TENM4: variants seen among roughly 807,000 people sequenced by gnomAD.
TENM4 encodes teneurin-4.
Under a neutral mutation model 243.3 loss-of-function variants are expected in TENM4, and 82 were observed. The observed-to-expected ratio is 0.34, with a 90% CI of 0.28 to 0.40. The LOEUF (loss-of-function observed/expected upper bound fraction) is 0.40. Among genes scored for constraint, TENM4 ranks in the 10% least tolerant of loss-of-function variants. The pLI is 1.00. For missense variants in TENM4, 3,138 were observed against 3,673.3 expected, an observed-to-expected ratio of 0.85 and a Z score of 3.77; for synonymous variants, 1,412 against 1,456.3, an observed-to-expected ratio of 0.97 and a Z score of 0.69.
Position 78,899,570 on chromosome 11 carries a change from GGA to G in TENM4, c.749+3696_749+3697del, listed in dbSNP as rs1432911287. On this transcript the variant is annotated intron_variant, in intron 7 of 33. Transcript: ENST00000278550. ...TCTGTCTCAAAAAGCGGGGGGGGGG[GGA>G]AAAAGAAAAAAGAAAGAAAATTTGA... Among the ~76,000 whole-genome samples the G allele has an allele frequency of 2.6e-4, 31 of 121,004 alleles. 3 individuals are homozygous for G. Among genetic ancestry groups the G allele is most frequent in the African/African-American group, 8.8e-4 (30 of 33,960 alleles). The allele number at this position is 121,004 out of a possible 152,430, so 79.4% of individuals were successfully genotyped here.
intron 1 of TENM4, among the ~76,000 whole-genome samples, chr11:79,399,510 C>T (rs1858413143): frequency 6.6e-6 from 1 of 152,088 alleles, no homozygotes; most frequent in Non-Finnish European, 1.5e-5. Context: ...AGAGGAGACC[C>T]TAAAATTAGA....
At chr11:79,112,399 C>T (rs1006822632) in intron 4 of TENM4, among the ~76,000 whole-genome samples, 1 of 152,056 alleles carries the variant, frequency 6.6e-6, no homozygotes, top group African/African-American at 2.4e-5. Context: ...CTCAGGGCTG[C>T]TGCATATGGT....
Position 78,656,577 on chromosome 11 carries a change from C to A in TENM4, c.*1481G>T, listed in dbSNP as rs955062997. On this transcript the variant is annotated 3_prime_UTR_variant, in exon 34 of 34. Coordinates refer to ENST00000278550, the MANE Select transcript of TENM4 (RefSeq NM_001098816.3). The stretch of plus-strand genomic sequence containing the variant: ...TGGGCTGTCCCTGCTTCTGAGAGGG[C>A]TCAGGCCTCTCCCTGACGACACAGG... 2.6e-5 allele frequency: 4 copies of A among 153,120 alleles called. No homozygotes were observed. Among genetic ancestry groups the A allele is most frequent in the African/African-American group, 9.6e-5 (4 of 41,492 alleles). 9.5% of individuals were successfully genotyped at this position (153,120 alleles called of 1,614,324 possible). A position where few individuals can be genotyped will look rare whatever the true frequency, so the allele number is the denominator to read the frequency against.
At chr11:79,135,067 G>A (rs777714117) in intron 4 of TENM4, among the ~76,000 whole-genome samples, 5 of 152,030 alleles carry the variant, frequency 3.3e-5, no homozygotes, top group Non-Finnish European at 5.9e-5. Flanking sequence ...AACTCACAGA[G>A]TGGGAGAAAA....
intron 6 of TENM4, among the ~76,000 whole-genome samples, chr11:78,977,923 G>A (rs796321118): frequency 1.4e-4 from 21 of 152,190 alleles, no homozygotes; most frequent in African/African-American, 4.8e-4. Flanking sequence ...ATTGCAGCAC[G>A]GTTCACAATA....
chr11:78,827,875 AG>A (rs1857893367), intron 12 of TENM4, among the ~76,000 whole-genome samples: 1 of 152,174 alleles, frequency 6.6e-6, no homozygotes, highest in African/African-American at 2.4e-5. Flanking sequence ...TCCTGATGGC[AG>A]TTTACTTCTG....
intron 4 of TENM4, among the ~76,000 whole-genome samples, chr11:79,102,683 CA>C (rs1375265363): frequency 2.6e-5 from 4 of 152,238 alleles, no homozygotes; most frequent in Non-Finnish European, 4.4e-5. Context: ...CACCCATCCT[CA>C]AGTGATCTTT....
chr11:78,774,746 A>G (rs1411803980), intron 17 of TENM4, among the ~76,000 whole-genome samples: 1 of 152,214 alleles, frequency 6.6e-6, no homozygotes, highest in Non-Finnish European at 1.5e-5. Context: ...GAGATGATCC[A>G]TTAGGTCCTT....
At chr11:78,874,130 T>G (rs1413646399) in intron 9 of TENM4, among the ~76,000 whole-genome samples, 2 of 152,084 alleles carry the variant, frequency 1.3e-5, no homozygotes, top group African/African-American at 4.8e-5. Flanking sequence ...TCTACCAGGC[T>G]TAGTACCCAG....
At chr11:78,998,985 C>A (rs151118113) in intron 6 of TENM4, among the ~76,000 whole-genome samples, 97 of 152,290 alleles carry the variant, frequency 6.4e-4, no homozygotes, top group African/African-American at 2.2e-3. Flanking sequence ...TTAAAAAGAC[C>A]TAAGCTTTGA....
At chr11:78,789,698 T>C (rs1474505980) in intron 15 of TENM4, among the ~76,000 whole-genome samples, 1 of 152,192 alleles carries the variant, frequency 6.6e-6, no homozygotes, top group Non-Finnish European at 1.5e-5. Context: ...GGCGGGCTGC[T>C]GGGGCCAAAG....
At chr11:79,175,560 A>G (rs916684341) in intron 3 of TENM4, among the ~76,000 whole-genome samples, 2 of 152,200 alleles carry the variant, frequency 1.3e-5, no homozygotes, top group Non-Finnish European at 2.9e-5. Context: ...AAGGTAGACT[A>G]TATGTTGTTA....
In TENM4 at chr11:78,702,036, C is replaced by T. The variant is rs1301249641; in HGVS notation, c.4577G>A (p.Gly1526Glu). 1.2e-6 allele frequency: 2 copies of T among 1,613,788 alleles called. No homozygotes were observed. The highest frequency in any genetic ancestry group is 1.7e-6 in the Non-Finnish European group (2 of 1,179,748). Residue 1526 changes from glycine to glutamate, a missense_variant, in exon 28 of 34, where the codon GGA (glycine) becomes GAA (glutamate). Around this residue, in one of 2 missense-constraint regions of TENM4, gnomAD observed 2,467 missense variants for 3,059.1 expected, o/e 0.81. Coordinates refer to ENST00000278550, the MANE Select transcript of TENM4 (RefSeq NM_001098816.3). ...KNDANCDCFSGDDGYAKDAKL... is the reference protein window; with the variant it reads ...KNDANCDCFSEDDGYAKDAKL... ...TGCATCCTTGGCATAACCATCGTCT[C>T]CAGAAAAACAATCACAGTTGGCATC...
At chr11:78,811,128 A>G (rs1312899453) in intron 14 of TENM4, among the ~76,000 whole-genome samples, 2 of 152,218 alleles carry the variant, frequency 1.3e-5, no homozygotes, top group African/African-American at 4.8e-5. Flanking sequence ...TGGCCCTCAG[A>G]GGAAGCCATT....
intron 19 of TENM4, among the ~76,000 whole-genome samples, chr11:78,746,239 TGAG>T (rs1276137358): frequency 2.0e-5 from 3 of 152,284 alleles, no homozygotes; most frequent in East Asian, 3.9e-4. Context: ...CATCACTCCT[TGAG>T]GAGGGGGTAC....
At chr11:79,187,147 T>C (rs1863394588) in intron 3 of TENM4, among the ~76,000 whole-genome samples, 1 of 152,216 alleles carries the variant, frequency 6.6e-6, no homozygotes, top group Admixed American at 6.5e-5. Flanking sequence ...TGGGTTAATA[T>C]GTTTTTGCTG....
In TENM4 at chr11:79,196,191, C is replaced by A. The variant is rs1321828030; in HGVS notation, c.-163+19617G>T. On this transcript the variant is annotated intron_variant, in intron 3 of 33. Coordinates refer to ENST00000278550, the MANE Select transcript of TENM4 (RefSeq NM_001098816.3). ...TTCCCAGTTTCGGGTATGTCTTTAT[C>A]GGCAGCGTGAAAACAGACTAATGCA... Among the ~76,000 whole-genome samples the A allele has an allele frequency of 2.0e-5, 3 of 151,972 alleles. No homozygotes were observed. The South Asian group carries it at 6.3e-4, about 32-fold the overall frequency.
chr11:79,027,829 G>A (rs369806078), intron 6 of TENM4, among the ~76,000 whole-genome samples: 4 of 152,086 alleles, frequency 2.6e-5, no homozygotes, highest in African/African-American at 7.2e-5. Flanking sequence ...GGTGCCTGTT[G>A]GGCTACAGGC....
intron 9 of TENM4, among the ~76,000 whole-genome samples, chr11:78,888,090 A>G (rs1855584318): frequency 1.3e-5 from 2 of 152,210 alleles, no homozygotes; most frequent in East Asian, 3.8e-4. Context: ...CCCACTCTAT[A>G]TCAACGATGC....
Sources: allele counts gnomAD v4.1 joint callset (sites outside exome capture counted in the v4.1 genomes callset), GRCh38; gene constraint gnomAD v4.1.1; regional missense constraint gnomAD v4.1.1; transcripts MANE v1.5; gene names NCBI Gene and HGNC (gene_info 2026-07-23, HGNC 2026-07-21).